Variants in WLS observed in about 807,000 individuals in gnomAD.
WLS encodes Wnt ligand secretion mediator.
In WLS, 23 loss-of-function variants were observed where a neutral mutation model predicts 62.8. The observed-to-expected ratio is 0.37, with a 90% confidence interval of 0.26 to 0.52. The LOEUF is 0.52. WLS is among the 20% of genes least tolerant of loss of function. The pLI, the probability that WLS is intolerant of heterozygous loss-of-function variation, is 0.92. For missense variants in WLS, 615 were observed against 697.3 expected (o/e 0.88, Z 1.33); for synonymous variants, 246 against 244.1 (o/e 1.01, Z -0.07).
intron 11 of WLS, chr1:68,117,378 C>G (rs1455972983): frequency 6.6e-6 from 1 of 152,250 alleles, no homozygotes; most frequent in Admixed American, 6.5e-5. Context: ...TTAGGGGTAA[C>G]GTTAGAGCCC....
At chr1:68,172,360 T>C (rs1647167535) in intron 2 of WLS, among the ~76,000 whole-genome samples, 1 of 151,242 alleles carries the variant, frequency 6.6e-6, no homozygotes, top group Admixed American at 6.6e-5. Context: ...TATAAATAAA[T>C]ACAAATCTTA....
Position 68,180,099 on chromosome 1 carries a change from A to G in WLS, c.379+13856T>C, listed in dbSNP as rs1263314904. Among the ~76,000 whole-genome samples, 8 of 152,058 alleles carry G rather than the reference A, an allele frequency of 5.3e-5. No homozygotes were observed. The East Asian group carries it at 1.6e-3, about 30-fold the overall frequency. ...GACAAGCAACAGCATCTCTAGTGCG[A>G]TGGTACTTTGCAAAGAAAGCACTGC... On this transcript the variant is annotated intron_variant, in intron 2 of 11. Coordinates refer to ENST00000262348, the MANE Select transcript of WLS (RefSeq NM_024911.7).
At chr1:68,161,095 T>A (rs1040597289) in intron 2 of WLS, among the ~76,000 whole-genome samples, 29 of 152,204 alleles carry the variant, frequency 1.9e-4, no homozygotes, top group Non-Finnish European at 4.0e-4. Context: ...ACTGAGAAAA[T>A]GTATTTGAGT....
At chr1:68,120,713 TGTGTGCGC>T (rs1047984885), downstream of WLS, among the ~76,000 whole-genome samples, 24 of 130,414 alleles carry the variant, frequency 1.8e-4, no homozygotes, top group Admixed American at 4.7e-4. Context: ...TGTGTGTGTG[TGTGTGCGC>T]GCGCGCACAT....
chr1:68,211,880 T>C (rs1009720199), intron 1 of WLS, among the ~76,000 whole-genome samples: 2 of 152,212 alleles, frequency 1.3e-5, no homozygotes, highest in Admixed American at 6.5e-5. Flanking sequence ...AAGTTGATTC[T>C]GCCTGGCTGC....
intron 1 of WLS, among the ~76,000 whole-genome samples, chr1:68,226,360 C>T (rs1650141551): frequency 6.6e-6 from 1 of 152,080 alleles, no homozygotes; most frequent in Non-Finnish European, 1.5e-5. Flanking sequence ...CACCTCAGTT[C>T]CCTTACATGT....
chr1:68,177,010 A>G (rs1647286667), intron 2 of WLS, among the ~76,000 whole-genome samples: 2 of 152,152 alleles, frequency 1.3e-5, no homozygotes, highest in Admixed American at 6.5e-5. Flanking sequence ...TTCCACTCCA[A>G]GAGGTTGTCT....
intron 6 of WLS, among the ~76,000 whole-genome samples, chr1:68,149,011 C>G (rs932785219): frequency 3.9e-5 from 6 of 152,158 alleles, no homozygotes; most frequent in Non-Finnish European, 8.8e-5. Flanking sequence ...TGACTTGTAA[C>G]TTGTGTTTAT....
At chr1:68,155,486 G>A (rs528221831) in intron 3 of WLS, among the ~76,000 whole-genome samples, 2 of 152,298 alleles carry the variant, frequency 1.3e-5, no homozygotes, top group African/African-American at 2.4e-5. Flanking sequence ...TGTATTCAAG[G>A]TAGAACCAGA....
chr1:68,110,766 C>T (rs1163082610), intron 11 of WLS, among the ~76,000 whole-genome samples: 3 of 151,106 alleles, frequency 2.0e-5, no homozygotes, highest in Non-Finnish European at 4.4e-5. Flanking sequence ...TATATATTTG[C>T]TCGATAAAGG....
At chr1:68,208,249 T>C (rs1649364593) in intron 1 of WLS, among the ~76,000 whole-genome samples, 1 of 152,226 alleles carries the variant, frequency 6.6e-6, no homozygotes, top group South Asian at 2.1e-4. Context: ...AAAATAGTTA[T>C]GGCAGAGCAA....
rs1646776246 is a variant in WLS, at chr1:68,148,118, C to T, written c.1134+18G>A. 1.9e-6 allele frequency: 3 copies of T among 1,613,822 alleles called. No homozygotes were observed. Among genetic ancestry groups the T allele is most frequent in the Non-Finnish European group, 8.5e-7 (1 of 1,179,854 alleles). ...CCAGGGGAAGAAATAAAACCCTGAG[C>T]CCATCAAGGAAGGATACGGCCAGCT... On this transcript the variant is annotated intron_variant, in intron 8 of 11. Coordinates refer to ENST00000262348, the MANE Select transcript of WLS (RefSeq NM_024911.7).
chr1:68,183,880 AAG>A (rs996562046), intron 2 of WLS, among the ~76,000 whole-genome samples: 1 of 152,148 alleles, frequency 6.6e-6, no homozygotes, highest in Admixed American at 6.5e-5. Context: ...AGTGTGGGGA[AAG>A]AAAAATCACT....
chr1:68,152,952 G>A lies in WLS; in HGVS notation c.803+565C>T, dbSNP rs138014139. On this transcript the variant is annotated intron_variant, in intron 5 of 11. Transcript: ENST00000262348. ...CAGACAAGTATCTGATTCTGACCACGGAATATCCCGAAGAGCAAAGACAGG... is the reference window on the plus strand; with the variant it reads ...CAGACAAGTATCTGATTCTGACCACAGAATATCCCGAAGAGCAAAGACAGG... Among the ~76,000 whole-genome samples the A allele has an allele frequency of 2.0e-3, 299 of 152,232 alleles. 2 individuals carry two copies. The highest frequency in any genetic ancestry group is 0.011 in the East Asian group (58 of 5,164).
At chr1:68,183,304 G>A (rs1647698448) in intron 2 of WLS, among the ~76,000 whole-genome samples, 1 of 152,120 alleles carries the variant, frequency 6.6e-6, no homozygotes, top group Non-Finnish European at 1.5e-5. Flanking sequence ...GGGTGGGAGA[G>A]TAGAGTTATA....
intron 11 of WLS, among the ~76,000 whole-genome samples, chr1:68,108,154 G>T (rs933665144): frequency 6.6e-6 from 1 of 152,258 alleles, no homozygotes; most frequent in Non-Finnish European, 1.5e-5. Context: ...TCTGTGCTGT[G>T]GGTGGGGCAG....
intron 10 of WLS, chr1:68,141,679 G>A (rs1646688491): frequency 6.6e-6 from 1 of 152,116 alleles, no homozygotes; most frequent in Non-Finnish European, 1.5e-5. Flanking sequence ...AGTATAATGG[G>A]GGTTTTAATA....
chr1:68,119,648 G>A (rs919004796), intron 11 of WLS, among the ~76,000 whole-genome samples: 1 of 152,234 alleles, frequency 6.6e-6, no homozygotes, highest in African/African-American at 2.4e-5. Flanking sequence ...GCTGTTCTTT[G>A]CATTCCCTTC....
chr1:68,194,616 C>T (rs2100607489), intron 1 of WLS, among the ~76,000 whole-genome samples: 1 of 152,310 alleles, frequency 6.6e-6, no homozygotes, highest in African/African-American at 2.4e-5. Context: ...AGTCTTCAAA[C>T]CTGGATTCGA....
Sources: gnomAD v4.1 joint callset for allele counts (sites outside exome capture counted in the v4.1 genomes callset) on GRCh38, gnomAD v4.1.1 for gene constraint, MANE v1.5 for transcripts, NCBI Gene and HGNC (gene_info 2026-07-23, HGNC 2026-07-21) for gene names.